SOX6: variants seen among roughly 807,000 people sequenced by gnomAD.
SOX6 encodes transcription factor SOX-6.
SOX6 carries 11 observed loss-of-function variants against 97.8 expected under a neutral mutation model. That is an observed-to-expected ratio of 0.11 (90% CI 0.07 to 0.19). The LOEUF is 0.19. Among genes scored for constraint, SOX6 ranks in the 10% least tolerant of loss-of-function variants. The pLI, the probability that SOX6 is intolerant of heterozygous loss-of-function variation, is 1.00. For synonymous variants in SOX6, 360 were observed against 371.4 expected (o/e 0.97, Z 0.35); for missense variants, 810 against 1,039.5 (o/e 0.78, Z 3.04).
chr11:16,434,170 T>C (rs561977000), intron 1 of SOX6: 2 of 152,186 alleles, frequency 1.3e-5, no homozygotes, highest in Admixed American at 1.3e-4. Context: ...TAAAATGAAG[T>C]CAACTCTGCT....
chr11:16,393,831 C>G (rs1305232845), intron 1 of SOX6, among the ~76,000 whole-genome samples: 1 of 151,972 alleles, frequency 6.6e-6, no homozygotes, highest in African/African-American at 2.4e-5. Context: ...ATGAAACTTT[C>G]AAATCTAGAC....
At chr11:16,252,683 A>G (rs1311060607) in intron 3 of SOX6, 2 of 152,064 alleles carry the variant, frequency 1.3e-5, no homozygotes, top group Non-Finnish European at 1.5e-5. Flanking sequence ...AGGAAAAACG[A>G]TTTTTCCAGA....
chr11:16,404,712 G>A (rs11825732), intron 1 of SOX6, among the ~76,000 whole-genome samples: 38 of 151,986 alleles, frequency 2.5e-4, no homozygotes, highest in African/African-American at 9.2e-4. Flanking sequence ...ACCCCAAGCC[G>A]TTCTGCTCCT....
intron 3 of SOX6, among the ~76,000 whole-genome samples, chr11:16,638,003 G>C (rs545642347): frequency 2.0e-5 from 3 of 150,678 alleles, no homozygotes; most frequent in Non-Finnish European, 2.9e-5. Context: ...ATGTTGGTGT[G>C]CTGCACCCAT....
intron 7 of SOX6, among the ~76,000 whole-genome samples, chr11:16,110,986 G>A (rs1311038574): frequency 1.3e-5 from 2 of 152,216 alleles, no homozygotes; most frequent in African/African-American, 2.4e-5. Flanking sequence ...AATTATTAAT[G>A]AGTAGAACAA....
intron 1 of SOX6, among the ~76,000 whole-genome samples, chr11:16,436,442 T>C (rs908520846): frequency 6.6e-6 from 1 of 152,088 alleles, no homozygotes; most frequent in Non-Finnish European, 1.5e-5. Flanking sequence ...TCTACAGCCA[T>C]ATATCATCTA....
At chr11:16,017,747 T>G (rs1564909344) in intron 12 of SOX6, among the ~76,000 whole-genome samples, 2 of 152,094 alleles carry the variant, frequency 1.3e-5, no homozygotes, top group Non-Finnish European at 2.9e-5. Flanking sequence ...TAAGCATCCA[T>G]GAGCATGCCC....
chr11:15,981,832 T>C (rs929872129), intron 15 of SOX6, among the ~76,000 whole-genome samples: 1 of 152,102 alleles, frequency 6.6e-6, no homozygotes, highest in African/African-American at 2.4e-5. Flanking sequence ...ATTATTTTTC[T>C]AGAATAATAA....
intron 1 of SOX6, among the ~76,000 whole-genome samples, chr11:16,421,278 G>A (rs927315888): frequency 6.6e-6 from 1 of 151,862 alleles, no homozygotes; most frequent in Non-Finnish European, 1.5e-5. Context: ...CAAACACAAT[G>A]ACTATATATT....
chr11:16,004,067 T>C (rs1020434712), intron 13 of SOX6, among the ~76,000 whole-genome samples: 3 of 151,818 alleles, frequency 2.0e-5, no homozygotes, highest in Non-Finnish European at 2.9e-5. Context: ...TATACATATA[T>C]ATGTACTGTA....
At chr11:16,413,684 C>A (rs766762290) in intron 1 of SOX6, among the ~76,000 whole-genome samples, 229 of 151,866 alleles carry the variant, frequency 1.5e-3, no homozygotes, top group Middle Eastern at 3.4e-3. Context: ...CCATGTCCAG[C>A]AAATTTTTGT....
chr11:16,046,126 A>C (rs1165812067), intron 12 of SOX6, among the ~76,000 whole-genome samples: 2 of 152,196 alleles, frequency 1.3e-5, no homozygotes, highest in Non-Finnish European at 2.9e-5. Context: ...TTAGTATTAC[A>C]TTTAATGGTG....
At chr11:16,366,859 T>C (rs1004719732) in intron 1 of SOX6, among the ~76,000 whole-genome samples, 28 of 152,262 alleles carry the variant, frequency 1.8e-4, no homozygotes, top group African/African-American at 6.7e-4. Flanking sequence ...TGTAAGAGCA[T>C]AAAACCATCA....
At chr11:16,171,151 A>C (rs959806500) in intron 6 of SOX6, among the ~76,000 whole-genome samples, 1 of 152,090 alleles carries the variant, frequency 6.6e-6, no homozygotes, top group African/African-American at 2.4e-5. Flanking sequence ...TGGGAGTTCC[A>C]GGGCTAACAG....
At chr11:16,637,329 T>G (rs923763793) in intron 3 of SOX6, among the ~76,000 whole-genome samples, 2 of 152,192 alleles carry the variant, frequency 1.3e-5, no homozygotes, top group Admixed American at 1.3e-4. Context: ...CCAACGATTC[T>G]CCTGCCTCAG....
At chr11:16,515,541 CTTTAG>C (rs1860956409) in intron 4 of SOX6, among the ~76,000 whole-genome samples, 1 of 87,016 alleles carries the variant, frequency 1.1e-5, no homozygotes, top group Non-Finnish European at 2.3e-5. Context: ...TACAGAAGCT[CTTTAG>C]TTTAACTAGA....
At chr11:16,026,324 A>T (rs1250812820) in intron 12 of SOX6, among the ~76,000 whole-genome samples, 1 of 152,182 alleles carries the variant, frequency 6.6e-6, no homozygotes, top group Non-Finnish European at 1.5e-5. Flanking sequence ...AAGCCTACCA[A>T]AGCATGGTCA....
chr11:16,153,731 C>T (rs760733356), intron 6 of SOX6, among the ~76,000 whole-genome samples: 120 of 151,998 alleles, frequency 7.9e-4, no homozygotes, highest in Admixed American at 1.4e-3. Flanking sequence ...GCCGAAATGC[C>T]CACAGAAGTG....
At chr11:16,025,406 A>G (rs1855188941) in intron 12 of SOX6, among the ~76,000 whole-genome samples, 1 of 152,196 alleles carries the variant, frequency 6.6e-6, no homozygotes, top group African/African-American at 2.4e-5. Context: ...GGAGAATTCT[A>G]TCTCCACCTA....
Sources: allele counts gnomAD v4.1 joint callset (sites outside exome capture counted in the v4.1 genomes callset), GRCh38; gene constraint gnomAD v4.1.1; transcripts MANE v1.5; gene names NCBI Gene and HGNC (gene_info 2026-07-23, HGNC 2026-07-21).